PLPPR1: variants seen among roughly 807,000 people sequenced by gnomAD.
PLPPR1 encodes the protein phospholipid phosphatase-related protein type 1.
Under a neutral mutation model 33.1 loss-of-function variants are expected in PLPPR1, and 10 were observed. That is an observed-to-expected ratio of 0.30 (90% CI 0.19 to 0.51). The LOEUF (loss-of-function observed/expected upper bound fraction) is 0.51, where lower values mean the gene tolerates loss of function less well. Among genes scored for constraint, PLPPR1 ranks in the 20% least tolerant of loss-of-function variants. The pLI, the probability that PLPPR1 is intolerant of heterozygous loss-of-function variation, is 0.97. For synonymous variants in PLPPR1, 151 were observed against 151.0 expected (o/e 1.00, Z 0.00); for missense variants, 304 against 408.1 (o/e 0.74, Z 2.20).
chr9:101,314,670 G>T (rs568734029), intron 6 of PLPPR1, among the ~76,000 whole-genome samples: 1 of 151,302 alleles, frequency 6.6e-6, no homozygotes, highest in East Asian at 1.9e-4. Flanking sequence ...AAGTGTTGAC[G>T]CAGACACAAA....
rs368730027 is a variant in PLPPR1, at chr9:101,179,017, C to T, written c.-45-6433C>T. On this transcript the variant is annotated intron_variant, in intron 1 of 7. Coordinates refer to ENST00000374874, the MANE Select transcript of PLPPR1 (RefSeq NM_207299.2). ...AAGAGTGCCACCTGGAAACTTTGGG[C>T]TTCTCCTACCTTTAAGTCAATGGGC... is the stretch of plus-strand genomic sequence containing the variant. Among the ~76,000 whole-genome samples, 6 of 152,178 alleles carry T rather than the reference C, an allele frequency of 3.9e-5. No homozygotes were observed. In the East Asian group the frequency reaches 7.7e-4, roughly 19 times the overall value.
chr9:101,263,684 T>G (rs1827939177), intron 2 of PLPPR1, among the ~76,000 whole-genome samples: 1 of 152,208 alleles, frequency 6.6e-6, no homozygotes, highest in African/African-American at 2.4e-5. Flanking sequence ...TGGAGAGAGA[T>G]ATTTATAGTA....
intron 1 of PLPPR1, among the ~76,000 whole-genome samples, chr9:101,146,094 A>T (rs1182302852): frequency 6.6e-6 from 1 of 152,044 alleles, no homozygotes; most frequent in Non-Finnish European, 1.5e-5. Context: ...ATTAATTACT[A>T]CTTCCCTCTG....
At chr9:101,156,077 A>G (rs1053265270) in intron 1 of PLPPR1, among the ~76,000 whole-genome samples, 4 of 152,220 alleles carry the variant, frequency 2.6e-5, no homozygotes, top group African/African-American at 9.6e-5. Context: ...CAAAAGAGAT[A>G]CTGACCTTGT....
intron 1 of PLPPR1, among the ~76,000 whole-genome samples, chr9:101,060,091 G>C (rs1325111870): frequency 6.6e-6 from 1 of 151,926 alleles, no homozygotes; most frequent in Non-Finnish European, 1.5e-5. Context: ...ATGGATGAAT[G>C]GATAAAGAAA....
chr9:101,123,366 C>T (rs1831199979), intron 1 of PLPPR1, among the ~76,000 whole-genome samples: 1 of 152,020 alleles, frequency 6.6e-6, no homozygotes, highest in African/African-American at 2.4e-5. Context: ...CTGTGGGTTA[C>T]CATAAATGTA....
At chr9:101,296,187 C>T (rs1399532614) in intron 4 of PLPPR1, among the ~76,000 whole-genome samples, 1 of 151,862 alleles carries the variant, frequency 6.6e-6, no homozygotes, top group Non-Finnish European at 1.5e-5. Context: ...AGCCAAAAAA[C>T]ACATGAAAAA....
At chr9:101,300,344 T>C (rs1828729812) in intron 4 of PLPPR1, among the ~76,000 whole-genome samples, 1 of 152,080 alleles carries the variant, frequency 6.6e-6, no homozygotes, top group Non-Finnish European at 1.5e-5. Flanking sequence ...CAGCTAATTT[T>C]AAATTATTAT....
At chr9:101,292,879 G>A (rs1403633490) in intron 4 of PLPPR1, among the ~76,000 whole-genome samples, 1 of 151,886 alleles carries the variant, frequency 6.6e-6, no homozygotes, top group African/African-American at 2.4e-5. Flanking sequence ...ATCGAGGCTA[G>A]GAAGAAACTG....
intron 3 of PLPPR1, among the ~76,000 whole-genome samples, chr9:101,274,612 G>A (rs1166790856): frequency 6.6e-6 from 1 of 152,180 alleles, no homozygotes; most frequent in African/African-American, 2.4e-5. Context: ...GCTCAGGGAA[G>A]TTTCATGGGA....
chr9:101,110,332 A>G (rs1243065327), intron 1 of PLPPR1, among the ~76,000 whole-genome samples: 1 of 152,216 alleles, frequency 6.6e-6, no homozygotes, highest in African/African-American at 2.4e-5. Context: ...AAAATGTTGC[A>G]TAATACTCAG....
At chr9:101,292,191 G>A (rs1158950624) in intron 4 of PLPPR1, among the ~76,000 whole-genome samples, 3 of 152,124 alleles carry the variant, frequency 2.0e-5, no homozygotes, top group Admixed American at 2.0e-4. Context: ...AAGGGTATCA[G>A]CAATGGAAAA....
chr9:101,320,751 G>A (rs901571985), intron 7 of PLPPR1, among the ~76,000 whole-genome samples: 1 of 152,140 alleles, frequency 6.6e-6, no homozygotes, highest in African/African-American at 2.4e-5. Flanking sequence ...TTTATTGAGA[G>A]TCACCTCATT....
At chr9:101,236,368 G>C (rs892397618) in intron 2 of PLPPR1, among the ~76,000 whole-genome samples, 1 of 151,698 alleles carries the variant, frequency 6.6e-6, no homozygotes, top group Non-Finnish European at 1.5e-5. Flanking sequence ...TATTTGAACA[G>C]AGGAATCACA....
At chr9:101,305,566 A>T (rs7864791) in intron 4 of PLPPR1, among the ~76,000 whole-genome samples, 2,569 of 152,110 alleles carry the variant, frequency 0.017, 47 homozygotes, top group African/African-American at 0.048. Flanking sequence ...CACCCCACCA[A>T]CCTCTGCTAA....
At chr9:101,128,102 T>C (rs1258770751) in intron 1 of PLPPR1, among the ~76,000 whole-genome samples, 2 of 152,146 alleles carry the variant, frequency 1.3e-5, no homozygotes, top group African/African-American at 2.4e-5. Flanking sequence ...GAATTGTGCT[T>C]ATTGAGATAT....
At chr9:101,208,807 G>A (rs1342919812) in intron 2 of PLPPR1, among the ~76,000 whole-genome samples, 2 of 152,286 alleles carry the variant, frequency 1.3e-5, no homozygotes, top group South Asian at 2.1e-4. Flanking sequence ...CACATTTACA[G>A]AGACAGATCA....
intron 1 of PLPPR1, among the ~76,000 whole-genome samples, chr9:101,094,115 G>C (rs967141575): frequency 7.2e-5 from 11 of 152,066 alleles, no homozygotes; most frequent in African/African-American, 2.7e-4. Flanking sequence ...TCTTCATATG[G>C]TAGCCAGAGT....
intron 2 of PLPPR1, among the ~76,000 whole-genome samples, chr9:101,261,609 A>ATGAT (rs1279599448): frequency 6.6e-6 from 1 of 152,186 alleles, no homozygotes; most frequent in South Asian, 2.1e-4. Flanking sequence ...ATGCTCAACA[A>ATGAT]TGATAGACTG....
Sources: gnomAD v4.1 joint callset for allele counts (sites outside exome capture counted in the v4.1 genomes callset) on GRCh38, gnomAD v4.1.1 for gene constraint, MANE v1.5 for transcripts, NCBI Gene and HGNC (gene_info 2026-07-23, HGNC 2026-07-21) for gene names.